SMIM31: variants seen among roughly 807,000 people sequenced by gnomAD.
SMIM31 encodes human epithelial cell program regulator.
chr4:164,757,418 T>C (rs185275731), intron 1 of SMIM31, among the ~76,000 whole-genome samples: 1 of 152,284 alleles, frequency 6.6e-6, no homozygotes, highest in African/African-American at 2.4e-5. Flanking sequence ...CTTTAAATTA[T>C]GATGAAAAGT....
rs72177805 is a variant in SMIM31 at position 164,788,478 on chromosome 4, C to CTTTTTTTTTTTTTTTTTTTTTTTTTTT, written c.113-12611_113-12585dup. ...ATAAAATTTCTTTCTTCTAATTTTT[C>CTTTTTTTTTTTTTTTTTTTTTTTTTTT]TTTTTTTTTTTTTTTTTTTTTTTTT... On this transcript the variant is annotated intron_variant, in intron 2 of 2. Transcript: ENST00000507311. Among the ~76,000 whole-genome samples the CTTTTTTTTTTTTTTTTTTTTTTTTTTT allele has an allele frequency of 8.9e-4, 52 of 58,190 alleles. 13 individuals carry two copies. The highest frequency in any genetic ancestry group is 1.4e-3 in the Non-Finnish European group (45 of 31,092). The allele number at this position is 58,190 out of a possible 152,430, so 38.2% of individuals were successfully genotyped here. A position where few individuals can be genotyped will look rare whatever the true frequency, so the allele number is the denominator to read the frequency against.
chr4:164,767,535 T>C (rs1026736744), intron 1 of SMIM31, among the ~76,000 whole-genome samples: 1 of 152,130 alleles, frequency 6.6e-6, no homozygotes, highest in African/African-American at 2.4e-5. Flanking sequence ...GGAGAAAATG[T>C]CCAGAGAACA....
At position 164,772,588 on chromosome 4, in the gene SMIM31, T is replaced by TTATTTTA. The variant is rs1259394023; in HGVS notation, c.112+2034_112+2035insATTTTAT. 9.3e-4 allele frequency among the ~76,000 whole-genome samples: 118 copies of TTATTTTA among 126,228 alleles called. 3 individuals carry two copies. In the South Asian group the frequency reaches 0.01, roughly 11 times the overall value. The allele number at this position is 126,228 out of a possible 152,430, so 82.8% of individuals were successfully genotyped here. The stretch of plus-strand genomic sequence containing the variant: ...TTATTTTTTTTATTTTTATTTTATT[T>TTATTTTA]TTTTTTTTGAGACGGAGTCTCGCTC... On this transcript the variant is annotated intron_variant, in intron 2 of 2. Transcript: ENST00000507311.
chr4:164,781,639 T>C (rs1018195055), intron 2 of SMIM31, among the ~76,000 whole-genome samples: 1 of 152,128 alleles, frequency 6.6e-6, no homozygotes, highest in Non-Finnish European at 1.5e-5. Flanking sequence ...ACTAGATCCA[T>C]GTTGCACTTC....
rs1019155185 is a variant in SMIM31 at position 164,754,392 on chromosome 4, C to G, written c.-45C>G. The G allele has an allele frequency of 6.6e-6, 1 of 151,886 alleles. No homozygotes were observed. Among genetic ancestry groups the G allele is most frequent in the African/African-American group, 2.4e-5 (1 of 41,372 alleles). The allele number at this position is 151,886 out of a possible 1,614,324, so 9.4% of individuals were successfully genotyped here. Reference sequence around the variant, plus strand: ...TCACGGGTTCCTTCCTAGCCACTCTCAGGGACAGGAATGCTTCTGGTAAGT... The same window carrying G: ...TCACGGGTTCCTTCCTAGCCACTCTGAGGGACAGGAATGCTTCTGGTAAGT... On this transcript the variant is annotated 5_prime_UTR_variant, in exon 1 of 3. Transcript: ENST00000507311.
chr4:164,782,037 T>C (rs1732956788), intron 2 of SMIM31, among the ~76,000 whole-genome samples: 1 of 152,106 alleles, frequency 6.6e-6, no homozygotes, highest in African/African-American at 2.4e-5. Flanking sequence ...ACTCCTGTAA[T>C]CCCAGCACTT....
At chr4:164,761,132 T>C (rs1732643907) in intron 1 of SMIM31, among the ~76,000 whole-genome samples, 1 of 152,212 alleles carries the variant, frequency 6.6e-6, no homozygotes, top group Non-Finnish European at 1.5e-5. Flanking sequence ...ACCAACCATA[T>C]TTTCAAATAT....
chr4:164,755,556 G>A (rs1288100222), intron 1 of SMIM31, among the ~76,000 whole-genome samples: 5 of 29,304 alleles, frequency 1.7e-4, no homozygotes, highest in Non-Finnish European at 4.6e-4. Flanking sequence ...GAGGGGAGGG[G>A]AGGGGAGGGG....
At chr4:164,782,447 C>T (rs558011945) in intron 2 of SMIM31, among the ~76,000 whole-genome samples, 4 of 137,780 alleles carry the variant, frequency 2.9e-5, no homozygotes, top group East Asian at 2.1e-4. Flanking sequence ...GGTACGATCT[C>T]GGCTCACTGC....
chr4:164,773,522 G>A (rs537223131), intron 2 of SMIM31, among the ~76,000 whole-genome samples: 1 of 152,270 alleles, frequency 6.6e-6, no homozygotes, highest in East Asian at 1.9e-4. Context: ...AGCGAAACTG[G>A]GGGAAAGGCC....
chr4:164,779,526 G>T (rs1345452921), intron 2 of SMIM31, among the ~76,000 whole-genome samples: 1 of 70,142 alleles, frequency 1.4e-5, no homozygotes, highest in African/African-American at 9.3e-5. Context: ...TTTTTGTCAT[G>T]GAAAAGTCAG....
chr4:164,769,308 A>G (rs1278644413), intron 1 of SMIM31, among the ~76,000 whole-genome samples: 2 of 152,062 alleles, frequency 1.3e-5, no homozygotes, highest in Non-Finnish European at 2.9e-5. Context: ...ATCTTCTAAT[A>G]TCATTTGAAA....
intron 1 of SMIM31, among the ~76,000 whole-genome samples, chr4:164,756,555 G>C (rs533990113): frequency 2.6e-4 from 39 of 150,234 alleles, no homozygotes; most frequent in Non-Finnish European, 5.3e-4. Context: ...CTGGGGGACA[G>C]AGCGAGACTC....
At chr4:164,765,962 G>C (rs1732715062) in intron 1 of SMIM31, among the ~76,000 whole-genome samples, 1 of 152,176 alleles carries the variant, frequency 6.6e-6, no homozygotes, top group Non-Finnish European at 1.5e-5. Flanking sequence ...ATAGGAAGGA[G>C]ACTCAATAAG....
At chr4:164,793,104 C>A (rs180686685) in intron 2 of SMIM31, among the ~76,000 whole-genome samples, 353 of 152,258 alleles carry the variant, frequency 2.3e-3, no homozygotes, top group African/African-American at 8.1e-3. Context: ...CAAATATACA[C>A]AGGAACAGGA....
At chr4:164,758,347 T>C (rs1327731592) in intron 1 of SMIM31, among the ~76,000 whole-genome samples, 2 of 152,124 alleles carry the variant, frequency 1.3e-5, no homozygotes, top group Non-Finnish European at 2.9e-5. Flanking sequence ...TTGTGCTCTT[T>C]AGGCTTTTAA....
chr4:164,783,685 G>A (rs1732990716), intron 2 of SMIM31, among the ~76,000 whole-genome samples: 1 of 152,022 alleles, frequency 6.6e-6, no homozygotes, highest in Non-Finnish European at 1.5e-5. Context: ...AGCAGGCTAA[G>A]GTGGGAGGAT....
intron 2 of SMIM31, among the ~76,000 whole-genome samples, chr4:164,782,239 G>A (rs530494232): frequency 1.3e-5 from 2 of 151,534 alleles, no homozygotes; most frequent in South Asian, 4.2e-4. Context: ...GCAGTGAGCC[G>A]AGACCGCGCC....
intron 2 of SMIM31, among the ~76,000 whole-genome samples, chr4:164,798,629 A>G (rs188814444): frequency 1.3e-5 from 2 of 152,176 alleles, no homozygotes; most frequent in African/African-American, 2.4e-5. Context: ...TACTATCTGC[A>G]AGCTGGAGAT....
Sources: allele counts gnomAD v4.1 joint callset (sites outside exome capture counted in the v4.1 genomes callset), GRCh38; gene constraint gnomAD v4.1.1; transcripts MANE v1.5; gene names NCBI Gene and HGNC (gene_info 2026-07-23, HGNC 2026-07-21).